The following CDKL2 variants were observed in gnomAD, a reference collection of about 807,000 sequenced individuals.
CDKL2 encodes the protein cyclin-dependent kinase-like 2.
Under a neutral mutation model 63.9 loss-of-function variants are expected in CDKL2, and 64 were observed. That is an observed-to-expected ratio of 1.00 (90% CI 0.82 to 1.23). The LOEUF is 1.23. Ranked by LOEUF, CDKL2 falls within the 50% of genes most tolerant of loss-of-function variation. CDKL2 has a pLI of 0.00. For missense variants in CDKL2, 656 were observed against 668.0 expected (o/e 0.98, Z 0.20); for synonymous variants, 211 against 229.2 (o/e 0.92, Z 0.72).
At chr4:75,611,851 A>G (rs1368340931) in intron 3 of CDKL2, among the ~76,000 whole-genome samples, 1 of 151,864 alleles carries the variant, frequency 6.6e-6, no homozygotes, top group African/African-American at 2.4e-5. Flanking sequence ...ACGGGGTTTC[A>G]CCATGTTGGC....
intron 5 of CDKL2, among the ~76,000 whole-genome samples, 170 bp from the exon 6 acceptor site, chr4:75,604,126 C>T (rs1208232303): frequency 2.0e-5 from 3 of 152,154 alleles, no homozygotes; most frequent in African/African-American, 7.2e-5. Flanking sequence ...TGGTATATGG[C>T]AGTCTTAAGG....
intron 2 of CDKL2, among the ~76,000 whole-genome samples, chr4:75,614,679 A>G (rs1228540254): frequency 6.6e-6 from 1 of 151,900 alleles, no homozygotes; most frequent in African/African-American, 2.4e-5. Context: ...TAAAGCTAAT[A>G]AGAAAAATAA....
At chr4:75,612,864 C>T (rs1578344199) in intron 3 of CDKL2, among the ~76,000 whole-genome samples, 2 of 152,178 alleles carry the variant, frequency 1.3e-5, no homozygotes, top group East Asian at 3.8e-4. Flanking sequence ...GTGGCTCACG[C>T]CTGTAATCCC....
intron 2 of CDKL2, 27 bp from the exon 3 acceptor site, chr4:75,614,476 G>A: frequency 2.1e-6 from 3 of 1,444,190 alleles, no homozygotes; most frequent in South Asian, 1.4e-5. Flanking sequence ...CAAAATAGCT[G>A]TTATTTAAAA....
chr4:75,586,354 T>C (rs1240892520), intron 12 of CDKL2, among the ~76,000 whole-genome samples: 1 of 151,694 alleles, frequency 6.6e-6, no homozygotes, highest in Non-Finnish European at 1.5e-5. Flanking sequence ...GCCTCCCGAG[T>C]AGCTGGGACT....
At chr4:75,605,951 G>A (rs1729408071) in intron 4 of CDKL2, among the ~76,000 whole-genome samples, 1 of 152,070 alleles carries the variant, frequency 6.6e-6, no homozygotes, top group Admixed American at 6.6e-5. Flanking sequence ...TTACATAAGT[G>A]AGCTTTCCAG....
At chr4:75,618,532 G>A (rs1164799514) in intron 2 of CDKL2, among the ~76,000 whole-genome samples, 1 of 152,082 alleles carries the variant, frequency 6.6e-6, no homozygotes, top group Non-Finnish European at 1.5e-5. Flanking sequence ...GGGATTACAA[G>A]CGTGAGTTGC....
chr4:75,580,714 T>C (rs1455502748), intron 13 of CDKL2, among the ~76,000 whole-genome samples: 1 of 149,178 alleles, frequency 6.7e-6, no homozygotes, highest in Non-Finnish European at 1.5e-5. Context: ...TTTTTCTTTT[T>C]TTTTGAGACG....
rs143012580 is a variant in CDKL2, at chr4:75,621,544, C to T, written c.168+4277G>A. ...GGCCTTTTTTTCTTTTTTTTTGAAG[C>T]GATGAGATCTCACTACAGTGCCCAG... is the stretch of plus-strand genomic sequence containing the variant. On this transcript the variant is annotated intron_variant, in intron 2 of 13. Transcript: ENST00000307465. 2.2e-3 allele frequency among the ~76,000 whole-genome samples: 327 copies of T among 150,870 alleles called. 1 individual carries two copies. The highest frequency in any genetic ancestry group is 7.7e-3 in the African/African-American group (318 of 41,112).
At chr4:75,623,627 T>C (rs1730268479) in intron 2 of CDKL2, among the ~76,000 whole-genome samples, 1 of 151,958 alleles carries the variant, frequency 6.6e-6, no homozygotes, top group African/African-American at 2.4e-5. Context: ...ATAAATGTAA[T>C]CAATCCAAGT....
chr4:75,595,200 CTTCT>C (rs1728861503), intron 10 of CDKL2, among the ~76,000 whole-genome samples: 1 of 121,106 alleles, frequency 8.3e-6, no homozygotes, highest in Non-Finnish European at 1.8e-5. Context: ...TCGTTTCTTT[CTTCT>C]TTTTTTTTTT....
chr4:75,603,999 G>C, intron 5 of CDKL2, 43 bp from the exon 6 acceptor site: 1 of 1,555,446 alleles, frequency 6.4e-7, no homozygotes, highest in Non-Finnish European at 8.7e-7. Flanking sequence ...TATACAACAT[G>C]ATAGAAATGG....
intron 2 of CDKL2, among the ~76,000 whole-genome samples, chr4:75,614,869 A>G (rs760788059): frequency 6.6e-6 from 1 of 150,666 alleles, no homozygotes; most frequent in Admixed American, 6.6e-5. Context: ...ATACCCTGAA[A>G]AGACAAAAAA....
chr4:75,619,816 T>C (rs1730082194), intron 2 of CDKL2, among the ~76,000 whole-genome samples: 2 of 152,154 alleles, frequency 1.3e-5, no homozygotes, highest in South Asian at 2.1e-4. Flanking sequence ...ACAGTGCCCA[T>C]GAACATGGAA....
chr4:75,626,099 T>C, intron 1 of CDKL2, 82 bp from the exon 2 acceptor site: 1 of 840,844 alleles, frequency 1.2e-6, no homozygotes, highest in Admixed American at 2.3e-5. Flanking sequence ...TCTTCCCTGC[T>C]TGTTTTCCAT....
At chr4:75,579,256 T>G (rs1213083313) in intron 13 of CDKL2, 78 bp from the exon 14 acceptor site, 1 of 152,254 alleles carries the variant, frequency 6.6e-6, no homozygotes, top group Non-Finnish European at 1.5e-5. Flanking sequence ...TCACTTGCTT[T>G]CTCACATCGT....
At chr4:75,600,258 A>C in intron 7 of CDKL2, 23 bp downstream of exon 7, 2 of 1,532,550 alleles carry the variant, frequency 1.3e-6, no homozygotes, top group Non-Finnish European at 1.8e-6. Flanking sequence ...GTATGGCCTG[A>C]AAAACATGGG....
Position 75,597,025 on chromosome 4 carries a change from G to A in CDKL2, c.1232C>T (p.Ala411Val), listed in dbSNP as rs56231363. ...SVDHTRNPSV[A>V]IPPLTHNLSA... ...AAGATTGTGTGTAAGTGGGGGAATT[G>A]CCACGCTTGGATTCCTTGTGTGGTC... The change falls in exon 9 of 14, where the codon GCA (alanine) becomes GTA (valine). Residue 411 changes from alanine to valine, a missense_variant. Transcript: ENST00000307465. 2.7e-4 allele frequency: 428 copies of A among 1,614,008 alleles called. No individual in the cohort carries two copies. The highest frequency in any genetic ancestry group is 3.5e-4 in the Non-Finnish European group (413 of 1,179,964).
At position 75,597,183 on chromosome 4, in the gene CDKL2, G is replaced by A. The variant is rs1728982213; in HGVS notation, c.1074C>T (p.Gly358=). The A allele has an allele frequency of 6.2e-6, 10 of 1,612,372 alleles. No homozygotes were observed. The East Asian group carries it at 2.0e-4, about 32-fold the overall frequency. The change falls in exon 9 of 14, where the codon GGC becomes GGT. Residue 358 remains glycine (G), a synonymous_variant. Coordinates refer to ENST00000307465, the MANE Select transcript of CDKL2 (RefSeq NM_001330724.2). ...CAGCTTTTTCTCCATCAATTTTTGAGCCTTTTATTTTAAATAGTTTATAAT... is the reference window on the plus strand; with the variant it reads ...CAGCTTTTTCTCCATCAATTTTTGAACCTTTTATTTTAAATAGTTTATAAT... ...IKDYKLFKIK[G]SKIDGEKAEK...
Sources: allele counts gnomAD v4.1 joint callset (sites outside exome capture counted in the v4.1 genomes callset), GRCh38; gene constraint gnomAD v4.1.1; transcripts MANE v1.5; gene names NCBI Gene and HGNC (gene_info 2026-07-23, HGNC 2026-07-21).